The following KCNG2 variants were observed in gnomAD, a reference collection of about 807,000 sequenced individuals.
The protein encoded by KCNG2 is voltage-gated potassium channel regulatory subunit KCNG2.
KCNG2 carries 7 observed loss-of-function variants against 12.3 expected under a neutral mutation model. That is an observed-to-expected ratio of 0.57 (90% CI 0.32 to 1.07). KCNG2 has a LOEUF of 1.07. Ranked by LOEUF, KCNG2 falls within the 50% of genes least tolerant of loss-of-function variation. KCNG2 has a pLI of 0.04. For synonymous variants in KCNG2, 414 were observed against 351.4 expected, an observed-to-expected ratio of 1.18 and a Z score of -1.99; for missense variants, 703 against 726.0, an observed-to-expected ratio of 0.97 and a Z score of 0.36.
intron 2 of KCNG2, among the ~76,000 whole-genome samples, chr18:79,858,097 T>C (rs1195529437): frequency 6.6e-6 from 1 of 152,026 alleles, no homozygotes; most frequent in East Asian, 1.9e-4. Context: ...GACTCCCGGG[T>C]TCAAGTGATT....
At chr18:79,829,269 C>CATGTGTCTGTGTGTGTGT (rs1252019554) in intron 1 of KCNG2, among the ~76,000 whole-genome samples, 2 of 149,506 alleles carry the variant, frequency 1.3e-5, no homozygotes, top group Non-Finnish European at 3.0e-5. Flanking sequence ...TCTGTGTGTG[C>CATGTGTCTGTGTGTGTGT]ATGTGTCTGT....
At chr18:79,807,552 G>C (rs1041063898) in intron 1 of KCNG2, among the ~76,000 whole-genome samples, 3 of 152,184 alleles carry the variant, frequency 2.0e-5, no homozygotes, top group African/African-American at 7.2e-5. Flanking sequence ...AAACTGGTGT[G>C]ACTCCCATGT....
chr18:79,868,338 T>C (rs899833677), intron 3 of KCNG2, among the ~76,000 whole-genome samples: 1 of 151,564 alleles, frequency 6.6e-6, no homozygotes, highest in Admixed American at 6.6e-5. Flanking sequence ...TGGTGACCCG[T>C]GTCCGAGCGT....
chr18:79,823,463 G>T (rs2087587451), intron 1 of KCNG2, among the ~76,000 whole-genome samples: 1 of 152,194 alleles, frequency 6.6e-6, no homozygotes, highest in Non-Finnish European at 1.5e-5. Context: ...CCAGGCCAGG[G>T]GTTGTGGTAG....
At chr18:79,826,457 G>T (rs1222104265) in intron 1 of KCNG2, among the ~76,000 whole-genome samples, 1 of 151,268 alleles carries the variant, frequency 6.6e-6, no homozygotes, top group South Asian at 2.1e-4. Context: ...GGCGCGTTAC[G>T]TCATTACGTT....
intron 1 of KCNG2, among the ~76,000 whole-genome samples, chr18:79,819,431 C>T (rs1225986603): frequency 6.6e-6 from 1 of 152,234 alleles, no homozygotes; most frequent in Non-Finnish European, 1.5e-5. Context: ...CTGGGGTCCC[C>T]ACAGCACCTG....
chr18:79,820,222 CT>C (rs1487819371), intron 1 of KCNG2, among the ~76,000 whole-genome samples: 3 of 152,232 alleles, frequency 2.0e-5, no homozygotes, highest in Non-Finnish European at 4.4e-5. Context: ...CCTGTTTTCA[CT>C]TCCTCCCCAC....
At chr18:79,810,415 C>A (rs1454804164) in intron 1 of KCNG2, among the ~76,000 whole-genome samples, 1 of 152,142 alleles carries the variant, frequency 6.6e-6, no homozygotes, top group Non-Finnish European at 1.5e-5. Flanking sequence ...TTGGTCCCAT[C>A]TCATGTCAAA....
intron 1 of KCNG2, among the ~76,000 whole-genome samples, chr18:79,825,935 C>A (rs746725131): frequency 1.3e-5 from 2 of 152,252 alleles, no homozygotes; most frequent in Non-Finnish European, 2.9e-5. Context: ...AGCGCGGACA[C>A]CTGTCGCCCT....
At chr18:79,804,068 C>CG (rs1031031095) in intron 1 of KCNG2, among the ~76,000 whole-genome samples, 18 of 152,160 alleles carry the variant, frequency 1.2e-4, no homozygotes. Flanking sequence ...CCTGGGAGCA[C>CG]GATCATGGGG....
intron 1 of KCNG2, among the ~76,000 whole-genome samples, chr18:79,802,882 T>C (rs1216371139): frequency 2.0e-5 from 3 of 152,212 alleles, no homozygotes; most frequent in Non-Finnish European, 4.4e-5. Context: ...TAAAATGCAT[T>C]AAAAGTTAAC....
At chr18:79,829,459 A>G (rs181260077) in intron 1 of KCNG2, among the ~76,000 whole-genome samples, 1 of 152,106 alleles carries the variant, frequency 6.6e-6, no homozygotes, top group Admixed American at 6.5e-5. Context: ...AAGTGAGTCA[A>G]GTAGCTGGTC....
chr18:79,798,344 C>T (rs2087380038), intron 1 of KCNG2, among the ~76,000 whole-genome samples: 2 of 152,108 alleles, frequency 1.3e-5, no homozygotes, highest in African/African-American at 4.8e-5. Context: ...ATGGAGGTCT[C>T]GGCCGCGGAT....
In KCNG2 at chr18:79,884,938, G is replaced by A. The variant is rs893484523; in HGVS notation, c.625-14102G>A. 2.0e-5 allele frequency among the ~76,000 whole-genome samples: 3 copies of A among 152,184 alleles called. No homozygotes were observed. In the East Asian group the frequency reaches 5.8e-4, roughly 29 times the overall value. ...ATGAGAGCGTCCTGACACCAGGGCT[G>A]GGAAGCCCACACTGATCTCTGAGTG... On this transcript the variant is annotated intron_variant, in intron 3 of 3. Transcript: ENST00000316249. This position sits in a 1 kb window ranked among gnomAD's most constrained non-coding sequence, Gnocchi z 5.5.
chr18:79,821,187 T>C (rs1009690772), intron 1 of KCNG2, among the ~76,000 whole-genome samples: 1 of 152,190 alleles, frequency 6.6e-6, no homozygotes, highest in Non-Finnish European at 1.5e-5. Flanking sequence ...TAAGCAACCA[T>C]TGCCAAATCC....
chr18:79,819,036 A>G (rs950049218), intron 1 of KCNG2, among the ~76,000 whole-genome samples: 4 of 152,250 alleles, frequency 2.6e-5, no homozygotes, highest in African/African-American at 9.6e-5. Context: ...GAAAACAGAC[A>G]TCTAAGAATA....
At chr18:79,867,640 T>C (rs1979659219) in intron 3 of KCNG2, among the ~76,000 whole-genome samples, 1 of 151,730 alleles carries the variant, frequency 6.6e-6, no homozygotes, top group African/African-American at 2.4e-5. Context: ...GGGGTTTGTG[T>C]TGCCAGAGGG....
At chr18:79,882,866 CACCT>C (rs1287789725) in intron 3 of KCNG2, among the ~76,000 whole-genome samples, 1,516 of 151,132 alleles carry the variant, frequency 0.01, 113 homozygotes, top group African/African-American at 0.034. Flanking sequence ...AGGCCGGGTA[CACCT>C]GCGCGTGGAG....
In KCNG2 at chr18:79,832,863, G is replaced by A. The variant is rs139523899; in HGVS notation, c.-114-23516G>A. 4.8e-3 allele frequency among the ~76,000 whole-genome samples: 737 copies of A among 152,260 alleles called. 9 individuals carry two copies. The highest frequency in any genetic ancestry group is 0.017 in the African/African-American group (697 of 41,550). ...GTGGCTCCTCTGGGAGGGCTCCTGCGTCTGCTCCTTAAGCCCCTGGCACCT... is the reference window on the plus strand; with the variant it reads ...GTGGCTCCTCTGGGAGGGCTCCTGCATCTGCTCCTTAAGCCCCTGGCACCT... On this transcript the variant is annotated intron_variant, in intron 1 of 3. Coordinates refer to ENST00000316249, the MANE Select transcript of KCNG2 (RefSeq NM_012283.2).
Sources: allele counts gnomAD v4.1 joint callset (sites outside exome capture counted in the v4.1 genomes callset), GRCh38; gene constraint gnomAD v4.1.1; non-coding constraint Gnocchi (gnomAD v3.1); transcripts MANE v1.5; gene names NCBI Gene and HGNC (gene_info 2026-07-23, HGNC 2026-07-21).